Variants in SCIN observed in about 807,000 individuals in gnomAD.
SCIN encodes scinderin.
In SCIN, 91 loss-of-function variants were observed where a neutral mutation model predicts 91.8. That is an observed-to-expected ratio of 0.99 (90% CI 0.84 to 1.18). SCIN has a LOEUF of 1.18. Among genes scored for constraint, SCIN ranks in the 50% most tolerant of loss-of-function variants. SCIN has a pLI of 0.00. For missense variants in SCIN, 1,087 were observed against 863.9 expected (o/e 1.26, Z -3.24); for synonymous variants, 367 against 312.6 (o/e 1.17, Z -1.84).
At chr7:12,614,560 G>C (rs1783261396) in intron 4 of SCIN, among the ~76,000 whole-genome samples, 1 of 152,142 alleles carries the variant, frequency 6.6e-6, no homozygotes, top group Non-Finnish European at 1.5e-5. Context: ...CATCAAGTAG[G>C]AGTAAAGTGA....
intron 13 of SCIN, among the ~76,000 whole-genome samples, chr7:12,649,071 A>T (rs749999481): frequency 1.3e-5 from 2 of 152,088 alleles, no homozygotes; most frequent in African/African-American, 2.4e-5. Flanking sequence ...TGGTGATATG[A>T]GGGGGGTCTT....
At chr7:12,612,712 T>C (rs17166226) in intron 4 of SCIN, among the ~76,000 whole-genome samples, 8,100 of 152,280 alleles carry the variant, frequency 0.053, 214 homozygotes, top group African/African-American at 0.063. Context: ...GTTGCTTGGA[T>C]TTCTAGTATT....
Position 12,590,562 on chromosome 7 carries a change from C to A in SCIN, c.516+9341C>A, listed in dbSNP as rs187475505. Among the ~76,000 whole-genome samples, 14 of 150,972 alleles carry A rather than the reference C, an allele frequency of 9.3e-5. No homozygotes were observed. The East Asian group carries it at 2.8e-3, about 30-fold the overall frequency. ...CTTTTGATTTTTGACTATCCAGTCC[C>A]CTTGAAAGGAGGCTGCTTGCTGTAT... On this transcript the variant is annotated intron_variant, in intron 3 of 15. Coordinates refer to ENST00000297029, the MANE Select transcript of SCIN (RefSeq NM_001112706.3).
chr7:12,596,431 G>A (rs1260694205), intron 3 of SCIN: 1 of 455,896 alleles, frequency 2.2e-6, no homozygotes, highest in Non-Finnish European at 4.4e-6. Context: ...CAACAGGTGT[G>A]AACCTTCAGG....
intron 4 of SCIN, among the ~76,000 whole-genome samples, chr7:12,615,433 C>G (rs1378941431): frequency 2.6e-5 from 4 of 152,114 alleles, no homozygotes; most frequent in Non-Finnish European, 4.4e-5. Flanking sequence ...TTCCCTCTCT[C>G]TCTCCTGCTG....
intron 9 of SCIN, among the ~76,000 whole-genome samples, chr7:12,635,633 A>AAAAAAAAAAAAC (rs1783734630): frequency 6.7e-6 from 1 of 148,242 alleles, no homozygotes; most frequent in Non-Finnish European, 1.5e-5. Flanking sequence ...AAAAAAAAAA[A>AAAAAAAAAAAAC]AAAAAAAAAG....
intron 9 of SCIN, among the ~76,000 whole-genome samples, chr7:12,629,703 T>C (rs1442726779): frequency 2.0e-5 from 3 of 152,174 alleles, no homozygotes; most frequent in African/African-American, 7.2e-5. Context: ...TTCACAAGAA[T>C]AATGGAAAAA....
At chr7:12,578,275 CCT>C in intron 2 of SCIN, 57 bp downstream of exon 2, 1 of 1,422,696 alleles carries the variant, frequency 7.0e-7, no homozygotes, top group Non-Finnish European at 9.4e-7. Flanking sequence ...TCCATCCATA[CCT>C]CCTGTCTTCA....
intron 6 of SCIN, among the ~76,000 whole-genome samples, 180 bp from the exon 7 acceptor site, chr7:12,625,582 G>C (rs1198200641): frequency 6.6e-6 from 1 of 151,766 alleles, no homozygotes; most frequent in African/African-American, 2.4e-5. Context: ...ACCTGCCTTG[G>C]CTTCCCAAAG....
At chr7:12,574,783 C>T (rs1479335476) in intron 1 of SCIN, among the ~76,000 whole-genome samples, 1 of 152,084 alleles carries the variant, frequency 6.6e-6, no homozygotes, top group Non-Finnish European at 1.5e-5. Context: ...ATTCCCCCCA[C>T]TTTATGCTTG....
At chr7:12,631,407 C>T (rs1005996228) in intron 9 of SCIN, among the ~76,000 whole-genome samples, 5 of 152,136 alleles carry the variant, frequency 3.3e-5, no homozygotes, top group African/African-American at 1.2e-4. Flanking sequence ...TACAGACCCT[C>T]CACCATACCC....
intron 1 of SCIN, among the ~76,000 whole-genome samples, chr7:12,574,360 G>T (rs1273309287): frequency 6.6e-6 from 1 of 152,092 alleles, no homozygotes. Context: ...TGGCATTGCC[G>T]TTGGTTACAG....
chr7:12,633,809 T>TAA (rs1308635628), intron 9 of SCIN, among the ~76,000 whole-genome samples: 1 of 152,206 alleles, frequency 6.6e-6, no homozygotes, highest in Non-Finnish European at 1.5e-5. Context: ...CAGCTCTGTG[T>TAA]AACTCCTCAC....
chr7:12,635,611 C>CAAAAAAAA (rs59324421), intron 9 of SCIN, among the ~76,000 whole-genome samples: 182 of 5,862 alleles, frequency 0.031, 56 homozygotes, highest in Non-Finnish European at 0.061. Context: ...GACTCCGTCT[C>CAAAAAAAA]AAAAAAAAAA....
In SCIN at chr7:12,578,088, G is replaced by A. The variant is rs1238498882; in HGVS notation, c.224G>A (p.Ser75Asn). 1.3e-6 allele frequency: 2 copies of A among 1,546,922 alleles called. No homozygotes were observed. The highest frequency in any genetic ancestry group is 2.0e-5 in the Admixed American group (1 of 50,198). Residue 75 changes from serine (S) to asparagine (N), a missense_variant, in exon 2 of 16, where the codon AGC becomes AAC. By Grantham distance (46) the Ser-to-Asn change is conservative. Coordinates refer to ENST00000297029, the MANE Select transcript of SCIN (RefSeq NM_001112706.3). ...GGAAAGGAGTGTTCCCAGGATGAAA[G>A]CACAGCTGCTGCCATCTTCACTGTT... is the stretch of plus-strand genomic sequence containing the variant. ...WLGKECSQDE[S>N]TAAAIFTVQM...
chr7:12,645,375 C>G (rs1783943816), intron 13 of SCIN, among the ~76,000 whole-genome samples: 1 of 152,094 alleles, frequency 6.6e-6, no homozygotes, highest in African/African-American at 2.4e-5. Flanking sequence ...CCTAACAACG[C>G]CGGGAAGGGC....
intron 4 of SCIN, among the ~76,000 whole-genome samples, chr7:12,609,178 ACTGT>A (rs1259487003): frequency 2.6e-5 from 4 of 152,190 alleles, no homozygotes; most frequent in Admixed American, 2.0e-4. Context: ...CATTAACAAG[ACTGT>A]CTGGGGAAAC....
At chr7:12,636,724 A>G (rs1208164304) in intron 10 of SCIN, among the ~76,000 whole-genome samples, 1 of 152,300 alleles carries the variant, frequency 6.6e-6, no homozygotes, top group African/African-American at 2.4e-5. Context: ...AGCGATTGCT[A>G]GCTTTGAGGA....
At chr7:12,627,644 G>A (rs1783555330) in intron 8 of SCIN, among the ~76,000 whole-genome samples, 1 of 152,168 alleles carries the variant, frequency 6.6e-6, no homozygotes, top group Non-Finnish European at 1.5e-5. Context: ...AATCTAAGCG[G>A]CATGGGTGTT....
Sources: allele counts gnomAD v4.1 joint callset (sites outside exome capture counted in the v4.1 genomes callset), GRCh38; gene constraint gnomAD v4.1.1; transcripts MANE v1.5; gene names NCBI Gene and HGNC (gene_info 2026-07-23, HGNC 2026-07-21).